Variants in GATC observed in about 807,000 individuals in gnomAD.
GATC encodes glutamyl-tRNA(Gln) amidotransferase subunit C, mitochondrial.
A neutral mutation model predicts 14.4 loss-of-function variants in GATC; 11 were observed. That is an observed-to-expected ratio of 0.77 (90% confidence interval 0.48 to 1.27). The LOEUF (loss-of-function observed/expected upper bound fraction) is 1.27, where lower values mean the gene tolerates loss of function less well. Among genes scored for constraint, GATC ranks in the 50% most tolerant of loss-of-function variants. The probability of loss-of-function intolerance (pLI) is 0.00; values close to 1 mark genes in which losing one functional copy is unlikely to be tolerated. For missense variants in GATC, 204 were observed against 183.0 expected (o/e 1.11, Z -0.66); for synonymous variants, 76 against 79.3 (o/e 0.96, Z 0.22).
In GATC at chr12:120,462,044, T is replaced by C; in HGVS notation, c.*2085T>C. On this transcript the variant is annotated 3_prime_UTR_variant, in exon 4 of 4. Transcript: ENST00000551765. ...TCAGTAGGGCCTGAAAGGAGAGAAG[T>C]AGTGTGGGGAACCCCTGCTTTGGTA... 6.2e-7 allele frequency: 1 copy of C among 1,611,206 alleles called. No homozygotes were observed.
chr12:120,462,498 G>A lies in GATC; in HGVS notation c.*2539G>A, dbSNP rs1339739685. On this transcript the variant is annotated 3_prime_UTR_variant, in exon 4 of 4. Transcript: ENST00000551765. ...CCCCTCAAAGCTAAGAACTGGAAAG[G>A]ATCTCAGGGGTCATATAGTTTAATC... The A allele has an allele frequency of 5.2e-6, 1 of 193,526 alleles. No individual in the cohort carries two copies. Among genetic ancestry groups the A allele is most frequent in the Non-Finnish European group, 1.1e-5 (1 of 92,944 alleles). 12.0% of individuals were successfully genotyped at this position (193,526 alleles called of 1,614,324 possible). A position where few individuals can be genotyped will look rare whatever the true frequency, so the allele number is the denominator to read the frequency against.
intron 2 of GATC, among the ~76,000 whole-genome samples, chr12:120,448,739 G>A (rs1258037157): frequency 3.0e-5 from 4 of 131,250 alleles, no homozygotes; most frequent in Admixed American, 8.5e-5. Context: ...TCCACCTTCC[G>A]GTTTCAAGTG....
chr12:120,446,815 G>A lies in GATC; in HGVS notation c.240G>A (p.Ser80=), dbSNP rs1170398725. 1.4e-5 allele frequency: 23 copies of A among 1,604,186 alleles called. No homozygotes were observed. Among genetic ancestry groups the A allele is most frequent in the Non-Finnish European group, 2.0e-5 (23 of 1,172,960 alleles). ...CAGACGGGGTGGAGCCCATGGAATC[G>A]GTCCTGGAGGACAGGTAAACTCGCG... is the stretch of plus-strand genomic sequence containing the variant. The part of the protein sequence containing the change: ...VDTDGVEPME[S]VLEDRCLYLR... Residue 80 remains serine (S), a synonymous_variant, in exon 2 of 4, where the codon TCG becomes TCA. Transcript: ENST00000551765.
intron 2 of GATC, among the ~76,000 whole-genome samples, chr12:120,453,625 A>G (rs1878105688): frequency 1.3e-5 from 2 of 152,246 alleles, no homozygotes; most frequent in Admixed American, 6.5e-5. Flanking sequence ...AAAGTGAAGC[A>G]ACTCACCAAG....
intron 2 of GATC, among the ~76,000 whole-genome samples, chr12:120,455,756 G>A (rs1231779672): frequency 2.0e-5 from 3 of 151,994 alleles, no homozygotes; most frequent in East Asian, 3.9e-4. Flanking sequence ...CGCGATCTCG[G>A]CTCACTGCAA....
At chr12:120,455,439 G>A (rs1214663117) in intron 2 of GATC, among the ~76,000 whole-genome samples, 2 of 152,034 alleles carry the variant, frequency 1.3e-5, no homozygotes, top group Non-Finnish European at 2.9e-5. Context: ...AAAGTGCTGG[G>A]ATTACATGCA....
intron 2 of GATC, among the ~76,000 whole-genome samples, chr12:120,453,830 AAACAACAAC>A (rs145076050): frequency 2.7e-5 from 4 of 150,480 alleles, no homozygotes; most frequent in East Asian, 2.0e-4. Flanking sequence ...AAAAAAAGTA[AAACAACAAC>A]AACAACAACA....
At position 120,462,416 on chromosome 12, in the gene GATC, CAT is replaced by C. The variant is rs1878371917; in HGVS notation, c.*2458_*2459del. On this transcript the variant is annotated 3_prime_UTR_variant, in exon 4 of 4. Coordinates refer to ENST00000551765, the MANE Select transcript of GATC (RefSeq NM_176818.3). ...GGTAACACAATAAATGCCAATTTGA[CAT>C]GTTGATACTCAATTAACTATGATAA... is the stretch of plus-strand genomic sequence containing the variant. 2.8e-6 allele frequency: 1 copy of C among 354,168 alleles called. No individual in the cohort carries two copies. Among genetic ancestry groups the C allele is most frequent in the East Asian group, 5.0e-5 (1 of 19,858 alleles). 21.9% of individuals were successfully genotyped at this position (354,168 alleles called of 1,614,324 possible).
chr12:120,451,672 G>A (rs1271934413), intron 2 of GATC, among the ~76,000 whole-genome samples: 2 of 150,998 alleles, frequency 1.3e-5, no homozygotes, highest in African/African-American at 4.9e-5. Flanking sequence ...AACCTGGGGA[G>A]CAGAGGTTGC....
intron 2 of GATC, chr12:120,454,905 T>TGA (rs774138241): frequency 6.8e-5 from 24 of 353,032 alleles, no homozygotes; most frequent in South Asian, 1.2e-4. Flanking sequence ...TGTGTGTGTG[T>TGA]GAGACACTGT....
At chr12:120,458,790 T>C (rs1327766399) in intron 3 of GATC, among the ~76,000 whole-genome samples, 1 of 152,174 alleles carries the variant, frequency 6.6e-6, no homozygotes, top group African/African-American at 2.4e-5. Flanking sequence ...CCTGGTCAGC[T>C]TAAGGTGCCA....
chr12:120,463,366 A>G lies in GATC; in HGVS notation c.*3407A>G, dbSNP rs1445147823. ...GAGGACTGCTTGGGCCCAGGAGTTC[A>G]AGGTCAGCCTCGGCAATATAATGAG... On this transcript the variant is annotated 3_prime_UTR_variant, in exon 4 of 4. Coordinates refer to ENST00000551765, the MANE Select transcript of GATC (RefSeq NM_176818.3). 1 of 151,086 alleles carries G rather than the reference A, an allele frequency of 6.6e-6. No homozygotes were observed. Among genetic ancestry groups the G allele is most frequent in the African/African-American group, 2.5e-5 (1 of 40,772 alleles). The allele number at this position is 151,086 out of a possible 1,614,324, so 9.4% of individuals were successfully genotyped here. A position where few individuals can be genotyped will look rare whatever the true frequency, so the allele number is the denominator to read the frequency against.
chr12:120,457,183 C>T lies in GATC; in HGVS notation c.358+4C>T, dbSNP rs373342314. On this transcript the variant is annotated splice_donor_region_variant and intron_variant, in intron 3 of 3. Coordinates refer to ENST00000551765, the MANE Select transcript of GATC (RefSeq NM_176818.3). ...GAGTACTTTGTGGCCCCCCCAGGTACGTGCTGCCCAGAATGGTTTAACAGA... is the reference window on the plus strand; with the variant it reads ...GAGTACTTTGTGGCCCCCCCAGGTATGTGCTGCCCAGAATGGTTTAACAGA... 49 of 1,599,340 alleles carry T rather than the reference C, an allele frequency of 3.1e-5. No individual in the cohort carries two copies. The highest frequency in any genetic ancestry group is 2.0e-4 in the African/African-American group (15 of 74,150).
chr12:120,456,884 G>A (rs991825097), intron 2 of GATC, among the ~76,000 whole-genome samples, 192 bp from the exon 3 acceptor site: 1 of 152,158 alleles, frequency 6.6e-6, no homozygotes, highest in Non-Finnish European at 1.5e-5. Context: ...TTACTTCTCA[G>A]GGTTGTTCGG....
Position 120,462,255 on chromosome 12 carries a change from T to C in GATC, c.*2296T>C, listed in dbSNP as rs369508115. On this transcript the variant is annotated 3_prime_UTR_variant, in exon 4 of 4. Coordinates refer to ENST00000551765, the MANE Select transcript of GATC (RefSeq NM_176818.3). ...AACATCTAACAATAATAGTTAAGTA[T>C]TGAGCACTTACTGTGTACTCTGTGC... is the stretch of plus-strand genomic sequence containing the variant. 5,064 of 1,383,226 alleles carry C rather than the reference T, an allele frequency of 3.7e-3. 243 individuals carry two copies. The South Asian group carries it at 0.065, about 18-fold the overall frequency. 85.7% of individuals were successfully genotyped at this position (1,383,226 alleles called of 1,614,324 possible).
rs1179019404 is a variant in GATC at position 120,462,098 on chromosome 12, C to T, written c.*2139C>T. On this transcript the variant is annotated 3_prime_UTR_variant, in exon 4 of 4. Transcript: ENST00000551765. ...AGAGTCACGGCCCCTTGACCCAGAC[C>T]GAGACCGTGAGTAGCCATAGCTGGT... 1 of 1,612,300 alleles carries T rather than the reference C, an allele frequency of 6.2e-7. No individual in the cohort carries two copies. The highest frequency in any genetic ancestry group is 1.3e-5 in the African/African-American group (1 of 74,868).
intron 2 of GATC, among the ~76,000 whole-genome samples, chr12:120,455,442 T>G (rs1878157684): frequency 6.6e-6 from 1 of 152,050 alleles, no homozygotes. Context: ...GTGCTGGGAT[T>G]ACATGCAAGA....
intron 2 of GATC, among the ~76,000 whole-genome samples, chr12:120,448,135 T>C (rs1418682497): frequency 6.6e-6 from 1 of 152,226 alleles, no homozygotes; most frequent in Middle Eastern, 3.4e-3. Flanking sequence ...TTGCCCAGGC[T>C]GGTCGCAAAC....
At chr12:120,447,196 C>T (rs1877899653) in intron 2 of GATC, among the ~76,000 whole-genome samples, 1 of 151,986 alleles carries the variant, frequency 6.6e-6, no homozygotes, top group South Asian at 2.1e-4. Context: ...CTGCCTCAGC[C>T]TCCCGAGTAG....
Sources: allele counts gnomAD v4.1 joint callset (sites outside exome capture counted in the v4.1 genomes callset), GRCh38; gene constraint gnomAD v4.1.1; transcripts MANE v1.5; gene names NCBI Gene and HGNC (gene_info 2026-07-23, HGNC 2026-07-21).